The following RASSF8 variants were observed in gnomAD, a reference collection of about 807,000 sequenced individuals.
RASSF8 encodes ras association domain-containing protein 8.
In RASSF8, 22 loss-of-function variants were observed where a neutral mutation model predicts 48.5. The observed-to-expected ratio is 0.45, with a 90% CI of 0.32 to 0.65. The LOEUF (loss-of-function observed/expected upper bound fraction) is 0.65, where lower values mean the gene tolerates loss of function less well. Ranked by LOEUF, RASSF8 falls within the 30% of genes least tolerant of loss-of-function variation. The pLI, the probability that RASSF8 is intolerant of heterozygous loss-of-function variation, is 0.03. For missense variants in RASSF8, 418 were observed against 489.2 expected, an observed-to-expected ratio of 0.85 and a Z score of 1.37; for synonymous variants, 127 against 171.5, an observed-to-expected ratio of 0.74 and a Z score of 2.03.
chr12:25,963,025 T>A (rs1174816648), intron 1 of RASSF8, among the ~76,000 whole-genome samples: 4 of 152,096 alleles, frequency 2.6e-5, no homozygotes, highest in Non-Finnish European at 5.9e-5. Flanking sequence ...GGAAAAAAAA[T>A]CTTACTGTGC....
chr12:25,960,736 G>C (rs976104758), intron 1 of RASSF8, among the ~76,000 whole-genome samples: 3 of 152,150 alleles, frequency 2.0e-5, no homozygotes, highest in Non-Finnish European at 4.4e-5. Flanking sequence ...AATGCACTGA[G>C]TTCTTTCTAG....
chr12:26,020,646 G>A (rs1214512753), intron 2 of RASSF8: 2 of 151,876 alleles, frequency 1.3e-5, no homozygotes, highest in Non-Finnish European at 2.9e-5. Context: ...GCAGCCGTTG[G>A]AAATTATATT....
chr12:25,993,262 A>G (rs749665370), intron 1 of RASSF8, among the ~76,000 whole-genome samples: 7 of 152,248 alleles, frequency 4.6e-5, no homozygotes, highest in Non-Finnish European at 1.0e-4. Context: ...TGAATTACAT[A>G]TGGGAGAATA....
Position 26,064,377 on chromosome 12 carries a change from G to C in RASSF8, c.104-121G>C, listed in dbSNP as rs376353574. On this transcript the variant is annotated intron_variant, in intron 3 of 5. Coordinates refer to ENST00000689635, the MANE Select transcript of RASSF8 (RefSeq NM_001394098.1). Reference sequence around the variant, plus strand: ...AAAGGTTTTAAAGGAACCTGAACTAGACTCAAACTTGACCCTCTGATGCTA... The same window carrying C: ...AAAGGTTTTAAAGGAACCTGAACTACACTCAAACTTGACCCTCTGATGCTA... The C allele has an allele frequency of 3.2e-6, 3 of 942,344 alleles. No homozygotes were observed. In the African/African-American group the frequency reaches 5.0e-5, roughly 16 times the overall value. 58.4% of individuals were successfully genotyped at this position (942,344 alleles called of 1,614,324 possible).
rs1943969993 is a variant in RASSF8 at position 26,070,177 on chromosome 12, ATCC to A, written c.*1362_*1364del. 2 of 959,754 alleles carry A rather than the reference ATCC, an allele frequency of 2.1e-6. No individual in the cohort carries two copies. Among genetic ancestry groups the A allele is most frequent in the African/African-American group, 3.5e-5 (2 of 56,738 alleles). 59.5% of individuals were successfully genotyped at this position (959,754 alleles called of 1,614,324 possible). A position where few individuals can be genotyped will look rare whatever the true frequency, so the allele number is the denominator to read the frequency against. ...GTAGTTTTAATTCTGAAGAAGTTAC[ATCC>A]TCTGTATTATTTACATGCAACAAAA... On this transcript the variant is annotated 3_prime_UTR_variant, in exon 6 of 6. Transcript: ENST00000689635.
At position 25,991,889 on chromosome 12, in the gene RASSF8, T is replaced by C. The variant is rs114855365; in HGVS notation, c.-202-3148T>C. On this transcript the variant is annotated intron_variant, in intron 1 of 5. Coordinates refer to ENST00000689635, the MANE Select transcript of RASSF8 (RefSeq NM_001394098.1). ...ATGCTTAATCTTTAGCACATTTTTA[T>C]AAGTGTCCAATTAATGTTTGAATCA... Among the ~76,000 whole-genome samples the C allele has an allele frequency of 3.6e-3, 545 of 152,360 alleles. 7 individuals carry two copies. The highest frequency in any genetic ancestry group is 0.013 in the African/African-American group (520 of 41,590).
At chr12:26,028,895 A>T (rs961968733) in intron 2 of RASSF8, among the ~76,000 whole-genome samples, 1 of 152,222 alleles carries the variant, frequency 6.6e-6, no homozygotes. Context: ...TGAATTCTGG[A>T]GGAACCCTGG....
chr12:26,015,813 T>C (rs190932103), intron 2 of RASSF8, among the ~76,000 whole-genome samples: 23 of 151,548 alleles, frequency 1.5e-4, no homozygotes, highest in Non-Finnish European at 4.4e-5. Flanking sequence ...TCAGGTTTGC[T>C]TTGCCTGTTC....
chr12:25,978,176 A>T (rs1386611984), intron 1 of RASSF8, among the ~76,000 whole-genome samples: 1 of 152,330 alleles, frequency 6.6e-6, no homozygotes, highest in East Asian at 1.9e-4. Flanking sequence ...CATACAGTAC[A>T]TTCTAGCTGA....
chr12:25,991,120 C>T (rs972944024), intron 1 of RASSF8, among the ~76,000 whole-genome samples: 1 of 151,772 alleles, frequency 6.6e-6, no homozygotes, highest in African/African-American at 2.4e-5. Context: ...AGGAAGGGAG[C>T]ACACCCAACA....
chr12:25,970,668 C>A (rs1404170906), intron 1 of RASSF8, among the ~76,000 whole-genome samples: 1 of 152,132 alleles, frequency 6.6e-6, no homozygotes, highest in African/African-American at 2.4e-5. Context: ...CAGACTGTTA[C>A]GATACACAGG....
chr12:25,967,680 C>T (rs895002560), intron 1 of RASSF8, among the ~76,000 whole-genome samples: 1 of 152,186 alleles, frequency 6.6e-6, no homozygotes, highest in African/African-American at 2.4e-5. Context: ...TGTATGTCCA[C>T]ATACAGAAAC....
intron 3 of RASSF8, among the ~76,000 whole-genome samples, chr12:26,059,639 A>G (rs891343964): frequency 6.6e-6 from 1 of 152,154 alleles, no homozygotes; most frequent in East Asian, 1.9e-4. Context: ...AATTTTCCAC[A>G]TATTCATTTG....
At chr12:26,059,261 A>G (rs1565642685) in intron 3 of RASSF8, among the ~76,000 whole-genome samples, 1 of 152,232 alleles carries the variant, frequency 6.6e-6, no homozygotes, top group Non-Finnish European at 1.5e-5. Context: ...AAGAGAAGGA[A>G]ATCAAGGAGA....
intron 2 of RASSF8, among the ~76,000 whole-genome samples, chr12:26,021,763 C>T (rs1042217304): frequency 1.3e-5 from 2 of 152,108 alleles, no homozygotes; most frequent in African/African-American, 4.8e-5. Context: ...CCTACCCAGC[C>T]CCCAGAGCAG....
At chr12:26,074,799 G>C (rs1427067154), downstream of RASSF8, among the ~76,000 whole-genome samples, 1 of 152,150 alleles carries the variant, frequency 6.6e-6, no homozygotes, top group Non-Finnish European at 1.5e-5. Context: ...TAAACAAGAA[G>C]GGCTGTCTGG....
At chr12:26,006,535 C>A (rs999713753) in intron 2 of RASSF8, among the ~76,000 whole-genome samples, 1 of 152,176 alleles carries the variant, frequency 6.6e-6, no homozygotes, top group South Asian at 2.1e-4. Flanking sequence ...TTGTCTCGCT[C>A]TAGACGTGGA....
intron 2 of RASSF8, among the ~76,000 whole-genome samples, chr12:26,008,540 G>T (rs1273948093): frequency 6.6e-6 from 1 of 152,150 alleles, no homozygotes; most frequent in Non-Finnish European, 1.5e-5. Flanking sequence ...ATTGTCATTT[G>T]TATTCCATTT....
intron 2 of RASSF8, among the ~76,000 whole-genome samples, chr12:26,050,535 T>A (rs1333837415): frequency 6.6e-6 from 1 of 152,230 alleles, no homozygotes; most frequent in Non-Finnish European, 1.5e-5. Flanking sequence ...GACTCGGGAT[T>A]TGAACCTTGG....
Sources: allele counts gnomAD v4.1 joint callset (sites outside exome capture counted in the v4.1 genomes callset), GRCh38; gene constraint gnomAD v4.1.1; transcripts MANE v1.5; gene names NCBI Gene and HGNC (gene_info 2026-07-23, HGNC 2026-07-21).